The following CCSER1 variants were observed in gnomAD, a reference collection of about 807,000 sequenced individuals.
CCSER1 encodes coiled-coil serine rich protein 1, also known as serine-rich coiled-coil domain-containing protein 1.
Under a neutral mutation model 82.0 loss-of-function variants are expected in CCSER1, and 41 were observed. The observed-to-expected ratio is 0.50, with a 90% CI of 0.39 to 0.65. The LOEUF is 0.65. CCSER1 is among the 30% of genes least tolerant of loss of function. The probability of loss-of-function intolerance (pLI) is 0.00; values close to 1 mark genes in which losing one functional copy is unlikely to be tolerated. For synonymous variants in CCSER1, 414 were observed against 383.9 expected, an observed-to-expected ratio of 1.08 and a Z score of -0.92; for missense variants, 1,119 against 1,064.2, an observed-to-expected ratio of 1.05 and a Z score of -0.72.
intron 5 of CCSER1, among the ~76,000 whole-genome samples, chr4:90,501,901 T>G (rs185748581): frequency 3.3e-3 from 496 of 152,312 alleles, no homozygotes; most frequent in Admixed American, 5.0e-3. Flanking sequence ...ATTTATCATC[T>G]TTTATCAACG....
chr4:91,512,148 A>G (rs1047716240), intron 10 of CCSER1, among the ~76,000 whole-genome samples: 2 of 152,168 alleles, frequency 1.3e-5, no homozygotes, highest in Non-Finnish European at 2.9e-5. Context: ...GGATTGAAGG[A>G]CGCAATGTAC....
intron 8 of CCSER1, among the ~76,000 whole-genome samples, chr4:90,856,707 A>G (rs940120157): frequency 1.3e-5 from 2 of 152,158 alleles, no homozygotes; most frequent in Admixed American, 6.6e-5. Flanking sequence ...AATTTGCATT[A>G]TTTCATTTTC....
intron 10 of CCSER1, among the ~76,000 whole-genome samples, chr4:91,248,398 C>A (rs1739979462): frequency 6.6e-6 from 1 of 152,208 alleles, no homozygotes; most frequent in South Asian, 2.1e-4. Context: ...TGGAAAAACA[C>A]TACCTCAGTC....
chr4:91,502,083 C>T (rs1759238994), intron 10 of CCSER1, among the ~76,000 whole-genome samples: 2 of 152,160 alleles, frequency 1.3e-5, no homozygotes, highest in African/African-American at 4.8e-5. Context: ...CTCCTGTCCT[C>T]CCACAGAAAC....
At chr4:90,142,221 A>G (rs1724923641) in intron 1 of CCSER1, among the ~76,000 whole-genome samples, 2 of 152,180 alleles carry the variant, frequency 1.3e-5, no homozygotes, top group African/African-American at 4.8e-5. Context: ...AGGTCATGTA[A>G]CTTAGAGCAC....
chr4:91,264,700 T>C (rs2149171177), intron 10 of CCSER1, among the ~76,000 whole-genome samples: 1 of 152,150 alleles, frequency 6.6e-6, no homozygotes, highest in East Asian at 1.9e-4. Flanking sequence ...ATCCAAGTAC[T>C]AACCAAGTCT....
intron 9 of CCSER1, among the ~76,000 whole-genome samples, chr4:91,009,504 G>A (rs1180996708): frequency 6.6e-6 from 1 of 152,170 alleles, no homozygotes; most frequent in Admixed American, 6.5e-5. Context: ...GTCAGCCTAA[G>A]AAATCCAGCT....
At chr4:90,469,949 A>G (rs1764143020) in intron 5 of CCSER1, among the ~76,000 whole-genome samples, 1 of 152,194 alleles carries the variant, frequency 6.6e-6, no homozygotes, top group South Asian at 2.1e-4. Flanking sequence ...GAAATTTGAA[A>G]TGGAACATGA....
chr4:90,352,230 A>G (rs1031436927), intron 3 of CCSER1, among the ~76,000 whole-genome samples: 1 of 152,136 alleles, frequency 6.6e-6, no homozygotes, highest in Non-Finnish European at 1.5e-5. Context: ...AGGCTGAGGC[A>G]GGAGAATGGC....
chr4:90,698,726 TAGAC>T (rs1737455720), intron 6 of CCSER1, among the ~76,000 whole-genome samples: 1 of 152,054 alleles, frequency 6.6e-6, no homozygotes, highest in Admixed American at 6.6e-5. Context: ...TAACCGACAA[TAGAC>T]AGGTTAATAG....
chr4:90,845,552 G>A (rs1374890806), intron 8 of CCSER1, among the ~76,000 whole-genome samples: 3 of 151,966 alleles, frequency 2.0e-5, no homozygotes, highest in Non-Finnish European at 4.4e-5. Flanking sequence ...AGAGTTCCCT[G>A]TCCTGTTAAA....
chr4:91,186,410 A>T (rs1734538525), intron 10 of CCSER1, among the ~76,000 whole-genome samples: 1 of 152,058 alleles, frequency 6.6e-6, no homozygotes, highest in African/African-American at 2.4e-5. Flanking sequence ...CACCACAGGG[A>T]TTGCTTTAAG....
At chr4:90,853,817 G>A (rs1764148355) in intron 8 of CCSER1, among the ~76,000 whole-genome samples, 1 of 152,048 alleles carries the variant, frequency 6.6e-6, no homozygotes, top group African/African-American at 2.4e-5. Flanking sequence ...TGGTTGTCCA[G>A]GAGGTAAAAC....
chr4:90,462,819 A>G (rs1578595072), intron 4 of CCSER1, among the ~76,000 whole-genome samples: 1 of 152,320 alleles, frequency 6.6e-6, no homozygotes, highest in East Asian at 1.9e-4. Flanking sequence ...TATACTAAGC[A>G]CTTTACATGC....
intron 6 of CCSER1, among the ~76,000 whole-genome samples, chr4:90,662,471 T>C (rs1731004047): frequency 6.6e-6 from 1 of 152,164 alleles, no homozygotes. Context: ...AATTGATCTC[T>C]AAAATTTTCA....
intron 9 of CCSER1, among the ~76,000 whole-genome samples, chr4:90,949,408 AT>A (rs1396355519): frequency 6.6e-6 from 1 of 152,148 alleles, no homozygotes; most frequent in African/African-American, 2.4e-5. Flanking sequence ...GGTAAAACAT[AT>A]TAAACTGCTA....
intron 10 of CCSER1, among the ~76,000 whole-genome samples, chr4:91,545,654 C>G (rs1761850006): frequency 6.6e-6 from 1 of 152,046 alleles, no homozygotes; most frequent in Admixed American, 6.6e-5. Flanking sequence ...ACCTTGCTAT[C>G]TTTACATATT....
At chr4:90,740,560 A>G (rs62312980) in intron 7 of CCSER1, among the ~76,000 whole-genome samples, 8,695 of 152,268 alleles carry the variant, frequency 0.057, 362 homozygotes, top group Admixed American at 0.11. Context: ...TATTAGCATC[A>G]TATTGCTGTT....
At chr4:90,813,098 A>G (rs1179315647) in intron 7 of CCSER1, among the ~76,000 whole-genome samples, 2 of 152,204 alleles carry the variant, frequency 1.3e-5, no homozygotes. Flanking sequence ...TCCAAGTCCA[A>G]AGTCTCATCT....
Sources: gnomAD v4.1 joint callset for allele counts (sites outside exome capture counted in the v4.1 genomes callset) on GRCh38, gnomAD v4.1.1 for gene constraint, MANE v1.5 for transcripts, NCBI Gene and HGNC (gene_info 2026-07-23, HGNC 2026-07-21) for gene names.